Variants in GLG1 observed in about 807,000 individuals in gnomAD.
The protein encoded by GLG1 is golgi glycoprotein 1.
GLG1 carries 38 observed loss-of-function variants against 160.5 expected under a neutral mutation model. The ratio of observed to expected loss-of-function variants is 0.24; its 90% CI spans 0.18 to 0.31. The LOEUF (loss-of-function observed/expected upper bound fraction) is 0.31. GLG1 is among the 10% of genes least tolerant of loss of function. The pLI, the probability that GLG1 is intolerant of heterozygous loss-of-function variation, is 1.00. For missense variants in GLG1, 1,373 were observed against 1,505.2 expected, an observed-to-expected ratio of 0.91 and a Z score of 1.45; for synonymous variants, 644 against 543.4, an observed-to-expected ratio of 1.19 and a Z score of -2.57.
intron 3 of GLG1, among the ~76,000 whole-genome samples, chr16:74,506,581 C>CAAAAAAAAAAAAAAAAAAAA (rs56175030): frequency 2.6e-5 from 1 of 39,054 alleles, no homozygotes; most frequent in Non-Finnish European, 4.2e-5. Flanking sequence ...GACTCCGTCT[C>CAAAAAAAAAAAAAAAAAAAA]AAAAAAAAAA....
At chr16:74,472,598 T>C (rs1366315635) in intron 13 of GLG1, 187 bp from the exon 14 acceptor site, 3 of 1,483,258 alleles carry the variant, frequency 2.0e-6, no homozygotes, top group East Asian at 2.6e-5. Context: ...CGTTATACTT[T>C]GAAAGGCAAA....
At chr16:74,473,821 TG>T (rs1597239515) in intron 13 of GLG1, among the ~76,000 whole-genome samples, 1 of 152,194 alleles carries the variant, frequency 6.6e-6, no homozygotes, top group Non-Finnish European at 1.5e-5. Context: ...CATGCTTAGC[TG>T]GAAGTCCTCA....
intron 1 of GLG1, among the ~76,000 whole-genome samples, chr16:74,557,601 G>A (rs2018387544): frequency 6.6e-6 from 1 of 152,224 alleles, no homozygotes; most frequent in Non-Finnish European, 1.5e-5. Context: ...AAAAGCCTGA[G>A]TCAGGAGCTC....
At chr16:74,479,950 C>A (rs2015537211) in intron 11 of GLG1, among the ~76,000 whole-genome samples, 1 of 151,866 alleles carries the variant, frequency 6.6e-6, no homozygotes, top group Non-Finnish European at 1.5e-5. Context: ...AAAGTTAGGA[C>A]AGCAGAATTT....
intron 1 of GLG1, among the ~76,000 whole-genome samples, chr16:74,579,236 C>T (rs1156416787): frequency 2.0e-5 from 3 of 152,066 alleles, no homozygotes; most frequent in Admixed American, 2.0e-4. Context: ...TGGTGAGACC[C>T]CATCTCTACT....
rs1482999378 is a variant in GLG1 at position 74,576,921 on chromosome 16, C to T, written c.438+29736G>A. Among the ~76,000 whole-genome samples, 4 of 119,554 alleles carry T rather than the reference C, an allele frequency of 3.3e-5. No individual in the cohort carries two copies. In the East Asian group the frequency reaches 1.1e-3, roughly 32 times the overall value. 78.4% of individuals were successfully genotyped at this position (119,554 alleles called of 152,430 possible). ...CCCTGCATATAAATTCTAACCACTC[C>T]TAATTTTTTTTTTTTTTTTTTAGAG... is the stretch of plus-strand genomic sequence containing the variant. On this transcript the variant is annotated intron_variant, in intron 1 of 25. Coordinates refer to ENST00000422840, the MANE Select transcript of GLG1 (RefSeq NM_001145667.2).
Position 74,452,280 on chromosome 16 carries a change from CG to C in GLG1, c.*886del. On this transcript the variant is annotated 3_prime_UTR_variant, in exon 26 of 26. Transcript: ENST00000422840. ...AGAGTGACTGTAGCCTCAGCAGGGC[CG>C]GTCCAGACATGGCTGAGTCCTGTGC... The C allele has an allele frequency of 6.8e-7, 1 of 1,467,030 alleles. No homozygotes were observed. The highest frequency in any genetic ancestry group is 1.4e-5 in the South Asian group (1 of 73,592). 90.9% of individuals were successfully genotyped at this position (1,467,030 alleles called of 1,614,324 possible).
intron 4 of GLG1, among the ~76,000 whole-genome samples, chr16:74,502,722 G>GTTTTTTTTTTTTTTTTTT (rs745410150): frequency 1.8e-5 from 2 of 109,588 alleles, no homozygotes; most frequent in Non-Finnish European, 1.8e-5. Flanking sequence ...TTTGTTTTTG[G>GTTTTTTTTTTTTTTTTTT]TTTTTTTTTT....
chr16:74,480,459 G>C, intron 10 of GLG1, 65 bp from the exon 11 acceptor site: 3 of 1,211,738 alleles, frequency 2.5e-6, no homozygotes, highest in Non-Finnish European at 3.6e-6. Context: ...CACAGGCTCA[G>C]GGTTTTTATG....
chr16:74,465,426 A>C (rs2014963714), intron 19 of GLG1, among the ~76,000 whole-genome samples: 1 of 152,108 alleles, frequency 6.6e-6, no homozygotes, highest in East Asian at 1.9e-4. Flanking sequence ...TGTGGTTTCC[A>C]AACTTGAGCC....
At chr16:74,590,621 CAA>C (rs11321370) in intron 1 of GLG1, among the ~76,000 whole-genome samples, 155 of 76,220 alleles carry the variant, frequency 2.0e-3, no homozygotes, top group African/African-American at 5.2e-3. Flanking sequence ...ACTCCGTCTC[CAA>C]AAAAAAAAAA....
intron 1 of GLG1, among the ~76,000 whole-genome samples, chr16:74,589,346 A>C (rs1396223929): frequency 6.6e-6 from 1 of 152,196 alleles, no homozygotes; most frequent in East Asian, 1.9e-4. Context: ...CTTATAGTTC[A>C]TTCAATCTAA....
At chr16:74,542,698 GAGGGAGGAAGGGAAGAAGGGAAGGA>G (rs2017909692) in intron 1 of GLG1, among the ~76,000 whole-genome samples, 1 of 60,670 alleles carries the variant, frequency 1.6e-5, no homozygotes, top group Non-Finnish European at 3.1e-5. Context: ...GGGAAGGAGG[GAGGGAGGAAGGGAAGAAGGGAAGGA>G]AGGAAGGAAG....
At chr16:74,492,918 G>A (rs1169808848) in intron 7 of GLG1, 39 bp downstream of exon 7, 2 of 1,318,722 alleles carry the variant, frequency 1.5e-6, no homozygotes, top group Non-Finnish European at 2.1e-6. Flanking sequence ...ATCCAAAAAG[G>A]AACAGAAATG....
intron 3 of GLG1, among the ~76,000 whole-genome samples, chr16:74,508,087 G>C (rs1392506178): frequency 6.6e-6 from 1 of 151,990 alleles, no homozygotes; most frequent in Non-Finnish European, 1.5e-5. Context: ...AATGACACAA[G>C]GAACACAGGC....
intron 6 of GLG1, 122 bp from the exon 7 acceptor site, chr16:74,493,262 CAT>C (rs1192171269): frequency 1.6e-6 from 1 of 609,476 alleles, no homozygotes; most frequent in African/African-American, 1.9e-5. Context: ...TTATTACCAA[CAT>C]ATCTATCTTT....
rs1466909143 is a variant in GLG1, at chr16:74,448,481, CA to C, written c.*4685del. Reference sequence around the variant, plus strand: ...TTCAAACTCACAAGATGTTGAAATACAAGTAAATATACCAAAATGCACATAA... The same window carrying C: ...TTCAAACTCACAAGATGTTGAAATACAGTAAATATACCAAAATGCACATAA... On this transcript the variant is annotated 3_prime_UTR_variant, in exon 26 of 26. Coordinates refer to ENST00000422840, the MANE Select transcript of GLG1 (RefSeq NM_001145667.2). 6.6e-6 allele frequency: 1 copy of C among 152,202 alleles called. No individual in the cohort carries two copies. Among genetic ancestry groups the C allele is most frequent in the African/African-American group, 2.4e-5 (1 of 41,446 alleles). 9.4% of individuals were successfully genotyped at this position (152,202 alleles called of 1,614,324 possible).
chr16:74,480,539 A>G, intron 10 of GLG1, 145 bp from the exon 11 acceptor site: 1 of 547,972 alleles, frequency 1.8e-6, no homozygotes, highest in Non-Finnish European at 3.1e-6. Context: ...GTAAAAGTAT[A>G]TTCCTGAATT....
chr16:74,551,727 A>T (rs1446651300), intron 1 of GLG1, among the ~76,000 whole-genome samples: 6 of 151,924 alleles, frequency 3.9e-5, no homozygotes, highest in South Asian at 4.2e-4. Context: ...AGGTGTCATT[A>T]CCAAAGGCTA....
Sources: gnomAD v4.1 joint callset for allele counts (sites outside exome capture counted in the v4.1 genomes callset) on GRCh38, gnomAD v4.1.1 for gene constraint, MANE v1.5 for transcripts, NCBI Gene and HGNC (gene_info 2026-07-23, HGNC 2026-07-21) for gene names.